The following SORCS3 variants were observed in gnomAD, a reference collection of about 807,000 sequenced individuals.
SORCS3 encodes VPS10 domain-containing receptor SorCS3.
SORCS3 carries 57 observed loss-of-function variants against 146.3 expected under a neutral mutation model. That is an observed-to-expected ratio of 0.39 (90% CI 0.31 to 0.49). SORCS3 has a LOEUF of 0.49. SORCS3 is among the 20% of genes least tolerant of loss of function. The pLI, the probability that SORCS3 is intolerant of heterozygous loss-of-function variation, is 0.92. For synonymous variants in SORCS3, 653 were observed against 618.5 expected (o/e 1.06, Z -0.83); for missense variants, 1,341 against 1,575.5 (o/e 0.85, Z 2.52).
At chr10:104,732,089 G>A (rs1341443960) in intron 1 of SORCS3, among the ~76,000 whole-genome samples, 1 of 152,192 alleles carries the variant, frequency 6.6e-6, no homozygotes, top group Admixed American at 6.5e-5. Flanking sequence ...CCAGAAATAT[G>A]CGTTAGCTCT....
intron 1 of SORCS3, among the ~76,000 whole-genome samples, chr10:104,648,538 A>T (rs72811698): frequency 6.6e-6 from 1 of 152,110 alleles, no homozygotes; most frequent in Admixed American, 6.5e-5. Context: ...CATACTCTAT[A>T]GTCAACCTGC....
chr10:104,938,472 T>G (rs1323737607), intron 3 of SORCS3, among the ~76,000 whole-genome samples: 3 of 152,180 alleles, frequency 2.0e-5, no homozygotes, highest in Admixed American at 2.0e-4. Context: ...CTCTTTGACC[T>G]TTTTTGAATT....
chr10:105,095,309 TAGTGGCCCCGGACA>T (rs1015246496), intron 6 of SORCS3, among the ~76,000 whole-genome samples: 2 of 152,162 alleles, frequency 1.3e-5, no homozygotes, highest in African/African-American at 4.8e-5. Context: ...GTGGCTTGTC[TAGTGGCCCCGGACA>T]AGTGGTGGAG....
At chr10:104,713,930 A>G (rs2016447900) in intron 1 of SORCS3, among the ~76,000 whole-genome samples, 1 of 152,192 alleles carries the variant, frequency 6.6e-6, no homozygotes, top group African/African-American at 2.4e-5. Context: ...CAATTTCTTT[A>G]ACAGAAATAG....
intron 14 of SORCS3, among the ~76,000 whole-genome samples, chr10:105,178,922 C>A (rs957614198): frequency 2.0e-5 from 3 of 152,146 alleles, no homozygotes; most frequent in Non-Finnish European, 4.4e-5. Flanking sequence ...GGGCTCACAG[C>A]GTGCATCTGT....
rs146247497 is a variant in SORCS3, at chr10:105,220,938, C to T, written c.2735-2178C>T. ...TAAAATAAGTCAACCTTCAACCAGA[C>T]GTGTATCTGAATTGACAAAGTTGAA... On this transcript the variant is annotated intron_variant, in intron 19 of 26. Transcript: ENST00000369701. Among the ~76,000 whole-genome samples, 1,430 of 152,142 alleles carry T rather than the reference C, an allele frequency of 9.4e-3. 11 individuals are homozygous for T. The highest frequency in any genetic ancestry group is 0.014 in the Non-Finnish European group (975 of 68,014).
intron 17 of SORCS3, among the ~76,000 whole-genome samples, chr10:105,213,746 T>C (rs1283135550): frequency 2.0e-5 from 3 of 152,170 alleles, no homozygotes; most frequent in Non-Finnish European, 4.4e-5. Context: ...GATTTTCCCA[T>C]GCCGACCTCC....
intron 1 of SORCS3, among the ~76,000 whole-genome samples, chr10:104,815,225 C>T (rs898566540): frequency 6.6e-6 from 1 of 152,048 alleles, no homozygotes; most frequent in African/African-American, 2.4e-5. Flanking sequence ...TTCAGGAGAC[C>T]GAGGCCAGTG....
At chr10:104,838,496 C>T (rs1474830085) in intron 1 of SORCS3, among the ~76,000 whole-genome samples, 1 of 152,092 alleles carries the variant, frequency 6.6e-6, no homozygotes, top group African/African-American at 2.4e-5. Context: ...ACATTATCAT[C>T]TCTTCATGGC....
intron 1 of SORCS3, 57 bp downstream of exon 1, chr10:104,642,011 GGGGTGGGT>G: frequency 7.0e-7 from 1 of 1,419,556 alleles, no homozygotes; most frequent in Non-Finnish European, 9.4e-7. Context: ...GGGGAATGGG[GGGGTGGGT>G]GGGAGCGAGG....
intron 3 of SORCS3, among the ~76,000 whole-genome samples, chr10:104,951,067 T>C (rs1317671241): frequency 3.3e-5 from 5 of 152,208 alleles, no homozygotes; most frequent in Admixed American, 6.5e-5. Flanking sequence ...GGCAATATTT[T>C]TAATTTTCTG....
At chr10:104,843,543 G>C (rs148005807) in intron 2 of SORCS3, among the ~76,000 whole-genome samples, 2 of 152,164 alleles carry the variant, frequency 1.3e-5, no homozygotes, top group Non-Finnish European at 2.9e-5. Flanking sequence ...CCTAGCTGCT[G>C]TACCTCTTGT....
intron 14 of SORCS3, among the ~76,000 whole-genome samples, chr10:105,194,915 G>C (rs7919466): frequency 0.23 from 35,272 of 152,002 alleles, 4,096 homozygotes; most frequent in East Asian, 0.32. Flanking sequence ...CTGGGAGTGA[G>C]ACATTCTATG....
At chr10:104,907,926 A>C (rs951270378) in intron 2 of SORCS3, among the ~76,000 whole-genome samples, 4 of 152,262 alleles carry the variant, frequency 2.6e-5, no homozygotes. Context: ...CTGCCATTGC[A>C]AAGATACAGA....
intron 1 of SORCS3, among the ~76,000 whole-genome samples, chr10:104,670,930 T>C (rs916560642): frequency 3.9e-5 from 6 of 152,166 alleles, no homozygotes; most frequent in African/African-American, 1.4e-4. Flanking sequence ...ACTGCTATTA[T>C]AAATGAAATT....
chr10:105,164,361 G>A lies in SORCS3; in HGVS notation c.1791G>A (p.Gly597=), dbSNP rs142008023. ...TDIGVFISSD[G]GNTWRQIFDE... ...TTGGTGTGTTCATCTCCTCCGATGGGGGCAACACATGGAGACAGGTAACTG... is the reference window on the plus strand; with the variant it reads ...TTGGTGTGTTCATCTCCTCCGATGGAGGCAACACATGGAGACAGGTAACTG... Residue 597 remains glycine (G), a synonymous_variant, in exon 12 of 27, where the codon GGG becomes GGA. Coordinates refer to ENST00000369701, the MANE Select transcript of SORCS3 (RefSeq NM_014978.3). The A allele has an allele frequency of 6.2e-7, 1 of 1,613,122 alleles. No individual in the cohort carries two copies. The highest frequency in any genetic ancestry group is 8.5e-7 in the Non-Finnish European group (1 of 1,179,262).
chr10:105,138,057 T>C (rs980659313), intron 7 of SORCS3, among the ~76,000 whole-genome samples: 1 of 152,144 alleles, frequency 6.6e-6, no homozygotes, highest in Non-Finnish European at 1.5e-5. Context: ...TCAGAACAGA[T>C]GTTGTATCAA....
intron 7 of SORCS3, among the ~76,000 whole-genome samples, chr10:105,115,752 T>C (rs551127451): frequency 1.8e-4 from 28 of 152,286 alleles, no homozygotes; most frequent in Non-Finnish European, 2.9e-4. Flanking sequence ...TAAATTACTA[T>C]CTTTCTGAAA....
intron 2 of SORCS3, among the ~76,000 whole-genome samples, chr10:104,869,403 T>C (rs1200735416): frequency 6.6e-6 from 1 of 152,198 alleles, no homozygotes; most frequent in Non-Finnish European, 1.5e-5. Context: ...TTTTGTTGTA[T>C]TCAGGCCTTC....
Sources: allele counts gnomAD v4.1 joint callset (sites outside exome capture counted in the v4.1 genomes callset), GRCh38; gene constraint gnomAD v4.1.1; transcripts MANE v1.5; gene names NCBI Gene and HGNC (gene_info 2026-07-23, HGNC 2026-07-21).